SLC41A2: variants seen among roughly 807,000 people sequenced by gnomAD.
The protein encoded by SLC41A2 is SLC41A1-like 1.
Under a neutral mutation model 58.3 loss-of-function variants are expected in SLC41A2, and 32 were observed. That is an observed-to-expected ratio of 0.55 (90% CI 0.41 to 0.74). The LOEUF is 0.74. Among genes scored for constraint, SLC41A2 ranks in the 30% least tolerant of loss-of-function variants. The pLI is 0.00. For missense variants in SLC41A2, 514 were observed against 680.6 expected, an observed-to-expected ratio of 0.76 and a Z score of 2.72; for synonymous variants, 190 against 235.0, an observed-to-expected ratio of 0.81 and a Z score of 1.75.
intron 2 of SLC41A2, among the ~76,000 whole-genome samples, chr12:104,917,592 T>C (rs1030464837): frequency 4.0e-5 from 6 of 150,850 alleles, no homozygotes; most frequent in Non-Finnish European, 5.9e-5. Context: ...CCAACAATGA[T>C]AGACTGGATT....
intron 4 of SLC41A2, 98 bp from the exon 5 acceptor site, chr12:104,889,275 T>C: frequency 1.6e-6 from 2 of 1,230,176 alleles, no homozygotes; most frequent in East Asian, 2.6e-5. Flanking sequence ...TCAAAAAAAG[T>C]ATTGCATGTA....
chr12:104,907,601 A>G (rs1326256029), intron 3 of SLC41A2, among the ~76,000 whole-genome samples: 1 of 152,202 alleles, frequency 6.6e-6, no homozygotes. Context: ...GGAAGCTATT[A>G]GGTTTTTGTT....
chr12:104,847,389 G>T (rs1437362138), intron 8 of SLC41A2, among the ~76,000 whole-genome samples: 2 of 151,866 alleles, frequency 1.3e-5, no homozygotes, highest in African/African-American at 4.8e-5. Flanking sequence ...GGATCACGAG[G>T]TTAGGAAATC....
intron 10 of SLC41A2, among the ~76,000 whole-genome samples, chr12:104,826,413 C>A (rs553592512): frequency 7.2e-5 from 11 of 152,240 alleles, no homozygotes; most frequent in African/African-American, 2.6e-4. Context: ...CGACCTTTGC[C>A]GACAATGTAG....
At chr12:104,951,849 C>G (rs2135985590) in intron 1 of SLC41A2, among the ~76,000 whole-genome samples, 1 of 149,894 alleles carries the variant, frequency 6.7e-6, no homozygotes, top group South Asian at 2.2e-4. Flanking sequence ...ATAATTTATT[C>G]CTTTTGTCCT....
Position 104,805,069 on chromosome 12 carries a change from G to T in SLC41A2, c.*83C>A. On this transcript the variant is annotated 3_prime_UTR_variant, in exon 11 of 11. Coordinates refer to ENST00000258538, the MANE Select transcript of SLC41A2 (RefSeq NM_001352171.3). ...TTACCCTGGCAAAAGTCAAACTACT[G>T]ATTTAAGAGTTTTGAAAAAGAGCCA... 1 of 1,225,174 alleles carries T rather than the reference G, an allele frequency of 8.2e-7. No homozygotes were observed. The highest frequency in any genetic ancestry group is 1.1e-6 in the Non-Finnish European group (1 of 893,456). The allele number at this position is 1,225,174 out of a possible 1,614,324, so 75.9% of individuals were successfully genotyped here. A position where few individuals can be genotyped will look rare whatever the true frequency, so the allele number is the denominator to read the frequency against.
intron 2 of SLC41A2, among the ~76,000 whole-genome samples, chr12:104,917,888 G>A (rs2046401360): frequency 6.8e-6 from 1 of 147,158 alleles, no homozygotes; most frequent in Non-Finnish European, 1.5e-5. Context: ...TGAGTTAATG[G>A]GTGCAGCACA....
At chr12:104,835,733 T>C (rs1457899856) in intron 10 of SLC41A2, among the ~76,000 whole-genome samples, 1 of 152,162 alleles carries the variant, frequency 6.6e-6, no homozygotes, top group Non-Finnish European at 1.5e-5. Flanking sequence ...TCTGGGGCAA[T>C]ATGCCTGGCT....
rs56163399 is a variant in SLC41A2, at chr12:104,851,337, T to C, written c.1256-5363A>G. Among the ~76,000 whole-genome samples the C allele has an allele frequency of 3.5e-3, 529 of 152,266 alleles. 7 individuals carry two copies. The highest frequency in any genetic ancestry group is 0.012 in the African/African-American group (494 of 41,562). ...ACTATTTTGTTTTAAAATATATATA[T>C]GAAAGAGAATAAATCATTTGGTGCC... On this transcript the variant is annotated intron_variant, in intron 8 of 10. Transcript: ENST00000258538.
At chr12:104,845,808 T>A (rs1158025562) in intron 9 of SLC41A2, 35 bp downstream of exon 9, 7 of 1,579,438 alleles carry the variant, frequency 4.4e-6, no homozygotes, top group Non-Finnish European at 5.2e-6. Flanking sequence ...CAATAGCCCT[T>A]GATCTAAAAT....
intron 4 of SLC41A2, among the ~76,000 whole-genome samples, chr12:104,890,629 C>T (rs1417024327): frequency 6.6e-6 from 1 of 152,076 alleles, no homozygotes. Flanking sequence ...TGAAAAATGA[C>T]TAATTGTACC....
At chr12:104,827,998 G>A (rs1000868435) in intron 10 of SLC41A2, among the ~76,000 whole-genome samples, 3 of 152,148 alleles carry the variant, frequency 2.0e-5, no homozygotes, top group Non-Finnish European at 4.4e-5. Context: ...GGTGAAGACA[G>A]GCATTTTTGC....
chr12:104,947,134 G>A (rs983817708), intron 1 of SLC41A2, among the ~76,000 whole-genome samples: 1 of 146,418 alleles, frequency 6.8e-6, no homozygotes, highest in Non-Finnish European at 1.5e-5. Flanking sequence ...AATATACTAT[G>A]TCATACAATC....
intron 6 of SLC41A2, among the ~76,000 whole-genome samples, chr12:104,882,920 A>G (rs9705471): frequency 0.45 from 68,867 of 151,616 alleles, 16,119 homozygotes; most frequent in Middle Eastern, 0.54. Context: ...GTGTTTTCCA[A>G]CTTGGTTCCA....
intron 10 of SLC41A2, among the ~76,000 whole-genome samples, chr12:104,823,672 T>G (rs2041729002): frequency 2.6e-5 from 4 of 151,980 alleles, no homozygotes; most frequent in Admixed American, 2.6e-4. Context: ...CTAGAAAATC[T>G]CTAAAACAGA....
At chr12:104,880,901 TCTCTGTAC>T (rs1401885084) in intron 6 of SLC41A2, among the ~76,000 whole-genome samples, 2 of 152,214 alleles carry the variant, frequency 1.3e-5, no homozygotes, top group Non-Finnish European at 2.9e-5. Context: ...TACCAGCTCC[TCTCTGTAC>T]CTCTGGTAGA....
chr12:104,923,431 G>T (rs112597516), intron 2 of SLC41A2, among the ~76,000 whole-genome samples: 5,693 of 147,880 alleles, frequency 0.038, 152 homozygotes, highest in East Asian at 0.11. Context: ...AACTAGAAAA[G>T]CAAGAACAAT....
At chr12:104,908,881 A>T (rs2045962649) in intron 3 of SLC41A2, among the ~76,000 whole-genome samples, 1 of 152,224 alleles carries the variant, frequency 6.6e-6, no homozygotes, top group African/African-American at 2.4e-5. Flanking sequence ...AGGCCCTAAA[A>T]AAATAAGAAT....
intron 10 of SLC41A2, among the ~76,000 whole-genome samples, chr12:104,820,897 A>G (rs1486299298): frequency 4.6e-5 from 7 of 152,172 alleles, no homozygotes. Context: ...CACTCACCTC[A>G]GCCTCCCAAA....
Sources: allele counts gnomAD v4.1 joint callset (sites outside exome capture counted in the v4.1 genomes callset), GRCh38; gene constraint gnomAD v4.1.1; transcripts MANE v1.5; gene names NCBI Gene and HGNC (gene_info 2026-07-23, HGNC 2026-07-21).